MTCH2: variants seen among roughly 807,000 people sequenced by gnomAD.
The protein encoded by MTCH2 is mitochondrial carrier 2, also known as mitochondrial carrier homolog 2.
Under a neutral mutation model 50.6 loss-of-function variants are expected in MTCH2, and 25 were observed. That is an observed-to-expected ratio of 0.49 (90% CI 0.36 to 0.69). The LOEUF (loss-of-function observed/expected upper bound fraction) is 0.69. Among genes scored for constraint, MTCH2 ranks in the 30% least tolerant of loss-of-function variants. MTCH2 has a pLI of 0.00. For synonymous variants in MTCH2, 106 were observed against 132.0 expected (o/e 0.80, Z 1.35); for missense variants, 273 against 384.4 (o/e 0.71, Z 2.42).
chr11:47,612,513 G>A (rs1342407496), downstream of MTCH2, among the ~76,000 whole-genome samples: 3 of 151,908 alleles, frequency 2.0e-5, no homozygotes, highest in South Asian at 2.1e-4. Flanking sequence ...GCGGTGAGCC[G>A]AGATCGTGCC....
At chr11:47,628,193 G>A (rs920651289) in intron 9 of MTCH2, among the ~76,000 whole-genome samples, 2 of 152,182 alleles carry the variant, frequency 1.3e-5, no homozygotes, top group Non-Finnish European at 2.9e-5. Flanking sequence ...CAACTGCTGA[G>A]ATAAGAAAGA....
chr11:47,640,579 C>A (rs1374461059), intron 1 of MTCH2, among the ~76,000 whole-genome samples: 1 of 152,062 alleles, frequency 6.6e-6, no homozygotes, highest in South Asian at 2.1e-4. Flanking sequence ...CCACACCCAG[C>A]TAATTTTTGT....
intron 11 of MTCH2, among the ~76,000 whole-genome samples, chr11:47,625,331 G>C (rs1225228893): frequency 6.6e-6 from 1 of 150,730 alleles, no homozygotes; most frequent in Non-Finnish European, 1.5e-5. Flanking sequence ...GCTGAGGCGG[G>C]ACAATCACTT....
Position 47,627,009 on chromosome 11 carries a change from C to A in MTCH2, c.681+71G>T, listed in dbSNP as rs191027193. 8.9e-4 allele frequency: 1,064 copies of A among 1,194,982 alleles called. 2 individuals are homozygous for A. The highest frequency in any genetic ancestry group is 1.2e-3 in the Non-Finnish European group (1,005 of 835,140). The allele number at this position is 1,194,982 out of a possible 1,614,324, so 74.0% of individuals were successfully genotyped here. On this transcript the variant is annotated intron_variant, in intron 10 of 12. Coordinates refer to ENST00000302503, the MANE Select transcript of MTCH2 (RefSeq NM_014342.4). ...TATCTTAAAGCAGTGATGACACAAG[C>A]CAGATTTAAAAGGAAAACAAAACAA...
Position 47,642,474 on chromosome 11 carries a change from C to G in MTCH2, c.-9G>C, listed in dbSNP as rs950945596. On this transcript the variant is annotated 5_prime_UTR_variant, in exon 1 of 13. Transcript: ENST00000302503. The stretch of plus-strand genomic sequence containing the variant: ...CTGGCCGCGTCCGCCATGATGGCAC[C>G]CGCGGGCGGACGGACAGACAGACGG... The G allele has an allele frequency of 3.5e-6, 5 of 1,445,844 alleles. No homozygotes were observed. The highest frequency in any genetic ancestry group is 2.4e-5 in the Admixed American group (1 of 41,610). The allele number at this position is 1,445,844 out of a possible 1,614,324, so 89.6% of individuals were successfully genotyped here. A position where few individuals can be genotyped will look rare whatever the true frequency, so the allele number is the denominator to read the frequency against.
At chr11:47,638,157 C>G (rs966622186) in intron 3 of MTCH2, among the ~76,000 whole-genome samples, 4 of 151,770 alleles carry the variant, frequency 2.6e-5, no homozygotes, top group African/African-American at 9.7e-5. Flanking sequence ...CATAAAGTAA[C>G]TTAGTCTCAA....
At position 47,639,016 on chromosome 11, in the gene MTCH2, T is replaced by G. The variant is rs2097311544; in HGVS notation, c.123A>C (p.Arg41=). ...GACACACTTGCCGCCCAAAAATATT[T>G]CGTCCTATTGTTGGAGGAAGAGGCT... is the stretch of plus-strand genomic sequence containing the variant. ...GYEPLPPTIG[R]NIFGRQVCQL... is the part of the protein sequence containing the mutation. The change falls in exon 2 of 13, where the codon CGA becomes CGC. Residue 41 remains arginine (R), a synonymous_variant. Coordinates refer to ENST00000302503, the MANE Select transcript of MTCH2 (RefSeq NM_014342.4). The G allele has an allele frequency of 1.9e-6, 3 of 1,613,660 alleles. No homozygotes were observed. Among genetic ancestry groups the G allele is most frequent in the Non-Finnish European group, 2.5e-6 (3 of 1,179,874 alleles).
chr11:47,630,697 C>T (rs2097302244), intron 7 of MTCH2, 83 bp from the exon 8 acceptor site: 1 of 1,314,916 alleles, frequency 7.6e-7, no homozygotes, highest in Admixed American at 1.8e-5. Context: ...TCACATTGGA[C>T]AAGGTCAAAT....
chr11:47,611,418 C>T, the MTCH2 span, among the ~76,000 whole-genome samples: 2 of 152,248 alleles, frequency 1.3e-5, no homozygotes, highest in Non-Finnish European at 2.9e-5. Context: ...GATGGCCAGC[C>T]AGAGTAGGTG....
At chr11:47,639,193 A>C in intron 1 of MTCH2, 142 bp from the exon 2 acceptor site, 1 of 694,008 alleles carries the variant, frequency 1.4e-6, no homozygotes, top group Non-Finnish European at 2.4e-6. Context: ...GGCAATGATG[A>C]AGCATCATTC....
intron 1 of MTCH2, 67 bp from the exon 2 acceptor site, chr11:47,639,118 T>C: frequency 7.2e-7 from 1 of 1,382,180 alleles, no homozygotes; most frequent in Non-Finnish European, 1.0e-6. Context: ...TTGCAAGGTC[T>C]TGAATAAAGA....
At chr11:47,640,046 T>C (rs1565978172) in intron 1 of MTCH2, among the ~76,000 whole-genome samples, 1 of 151,972 alleles carries the variant, frequency 6.6e-6, no homozygotes, top group Non-Finnish European at 1.5e-5. Context: ...AAGTAACTCC[T>C]GGGCTGGCGT....
intron 3 of MTCH2, among the ~76,000 whole-genome samples, chr11:47,636,106 T>C (rs886556285): frequency 6.7e-6 from 1 of 148,928 alleles, no homozygotes; most frequent in Non-Finnish European, 1.5e-5. Flanking sequence ...GCAGCCCAGG[T>C]GACAGAGCAA....
intron 4 of MTCH2, 146 bp downstream of exon 4, chr11:47,635,399 G>T: frequency 1.2e-6 from 1 of 839,258 alleles, no homozygotes. Flanking sequence ...AAACAGAACT[G>T]TCCAAACTGG....
chr11:47,635,902 C>A (rs2097308125), intron 3 of MTCH2, among the ~76,000 whole-genome samples: 1 of 151,864 alleles, frequency 6.6e-6, no homozygotes, highest in Non-Finnish European at 1.5e-5. Flanking sequence ...CCGAGGTGGG[C>A]AGATCACCTG....
chr11:47,614,810 T>C (rs570183159), downstream of MTCH2, among the ~76,000 whole-genome samples: 4 of 152,288 alleles, frequency 2.6e-5, no homozygotes, highest in South Asian at 6.2e-4. Flanking sequence ...ACTCCTGGCC[T>C]CAAGTGATCT....
Position 47,618,782 on chromosome 11 carries a change from A to C in MTCH2, c.*51T>G. On this transcript the variant is annotated 3_prime_UTR_variant, in exon 13 of 13. Transcript: ENST00000302503. ...TATAGAAATCAACATTCTCTCCCATAATTCTGTGCATCTGGGACTACAGAA... is the reference window on the plus strand; with the variant it reads ...TATAGAAATCAACATTCTCTCCCATCATTCTGTGCATCTGGGACTACAGAA... 6.6e-7 allele frequency: 1 copy of C among 1,524,604 alleles called. No individual in the cohort carries two copies. The highest frequency in any genetic ancestry group is 9.1e-7 in the Non-Finnish European group (1 of 1,098,588). The allele number at this position is 1,524,604 out of a possible 1,614,324, so 94.4% of individuals were successfully genotyped here.
chr11:47,615,065 T>G (rs2097287596), downstream of MTCH2, among the ~76,000 whole-genome samples: 1 of 117,002 alleles, frequency 8.5e-6, no homozygotes. Flanking sequence ...TTTTTTTGGC[T>G]CTCAGTTGAC....
the MTCH2 span, among the ~76,000 whole-genome samples, chr11:47,610,705 A>C: frequency 5.3e-5 from 8 of 152,198 alleles, no homozygotes; most frequent in Non-Finnish European, 1.2e-4. Flanking sequence ...ACTCCGTCTC[A>C]AAAAGAAAAG....
Sources: gnomAD v4.1 joint callset for allele counts (sites outside exome capture counted in the v4.1 genomes callset) on GRCh38, gnomAD v4.1.1 for gene constraint, MANE v1.5 for transcripts, NCBI Gene and HGNC (gene_info 2026-07-23, HGNC 2026-07-21) for gene names.